KSR1: variants seen among roughly 807,000 people sequenced by gnomAD.
The protein encoded by KSR1 is kinase suppressor of ras 1, also known as kinase suppressor of ras.
Under a neutral mutation model 92.9 loss-of-function variants are expected in KSR1, and 35 were observed. That is an observed-to-expected ratio of 0.38 (90% CI 0.29 to 0.50). The LOEUF (loss-of-function observed/expected upper bound fraction) is 0.50, where lower values mean the gene tolerates loss of function less well. Among genes scored for constraint, KSR1 ranks in the 20% least tolerant of loss-of-function variants. The pLI is 0.94. For missense variants in KSR1, 972 were observed against 1,158.5 expected, an observed-to-expected ratio of 0.84 and a Z score of 2.34; for synonymous variants, 467 against 472.6, an observed-to-expected ratio of 0.99 and a Z score of 0.15.
At chr17:27,476,042 A>G (rs978502135) in intron 1 of KSR1, among the ~76,000 whole-genome samples, 5 of 152,208 alleles carry the variant, frequency 3.3e-5, no homozygotes, top group Admixed American at 1.3e-4. Flanking sequence ...TATTATTGCT[A>G]TAATTGCATT....
chr17:27,553,664 C>T (rs1240523932), intron 2 of KSR1, among the ~76,000 whole-genome samples: 1 of 152,234 alleles, frequency 6.6e-6, no homozygotes, highest in Non-Finnish European at 1.5e-5. Flanking sequence ...ATTCCATCTT[C>T]CCCAGACTCT....
At chr17:27,522,843 C>G (rs2070097602) in intron 1 of KSR1, among the ~76,000 whole-genome samples, 1 of 152,194 alleles carries the variant, frequency 6.6e-6, no homozygotes, top group South Asian at 2.1e-4. Context: ...GCAGGGTGGT[C>G]TGTCCTCAGG....
chr17:27,592,454 C>T (rs747120886), intron 8 of KSR1, 32 bp downstream of exon 8: 2 of 1,613,576 alleles, frequency 1.2e-6, no homozygotes, highest in Non-Finnish European at 8.5e-7. Flanking sequence ...CCTCTGCCTT[C>T]TGGATTTGGG....
intron 1 of KSR1, among the ~76,000 whole-genome samples, chr17:27,495,219 G>T (rs887034350): frequency 6.6e-6 from 1 of 152,182 alleles, no homozygotes; most frequent in African/African-American, 2.4e-5. Flanking sequence ...GGTTCTGGGG[G>T]TATATGCAGC....
At chr17:27,549,115 C>G (rs547281746) in intron 1 of KSR1, among the ~76,000 whole-genome samples, 23 of 152,210 alleles carry the variant, frequency 1.5e-4, no homozygotes, top group African/African-American at 5.3e-4. Context: ...AAATGCACAA[C>G]CTATATTTAC....
chr17:27,476,789 TG>T (rs77351643), intron 1 of KSR1, among the ~76,000 whole-genome samples: 35,482 of 152,046 alleles, frequency 0.23, 4,374 homozygotes, highest in Admixed American at 0.34. Flanking sequence ...CAGATAGCAC[TG>T]GGAATACTGT....
intron 1 of KSR1, among the ~76,000 whole-genome samples, chr17:27,460,894 G>T (rs187135147): frequency 6.6e-6 from 1 of 152,172 alleles, no homozygotes; most frequent in Non-Finnish European, 1.5e-5. Flanking sequence ...CCTAGCAAGG[G>T]CTCTGAAGTA....
chr17:27,562,923 G>A (rs1322817352), intron 2 of KSR1, among the ~76,000 whole-genome samples: 1 of 152,144 alleles, frequency 6.6e-6, no homozygotes, highest in African/African-American at 2.4e-5. Context: ...ACCTTGGACA[G>A]GTCCCTTGAC....
chr17:27,545,925 CAT>C (rs928249584), intron 1 of KSR1, among the ~76,000 whole-genome samples: 2 of 152,196 alleles, frequency 1.3e-5, no homozygotes, highest in Non-Finnish European at 2.9e-5. Flanking sequence ...GTGCAAATGG[CAT>C]ATGTTAGGAA....
At chr17:27,496,945 C>A (rs1340842398) in intron 1 of KSR1, among the ~76,000 whole-genome samples, 1 of 152,222 alleles carries the variant, frequency 6.6e-6, no homozygotes, top group Non-Finnish European at 1.5e-5. Flanking sequence ...TCATCAATTG[C>A]ACTCAGTTTT....
At chr17:27,546,050 G>A (rs998438818) in intron 1 of KSR1, among the ~76,000 whole-genome samples, 9 of 152,226 alleles carry the variant, frequency 5.9e-5, no homozygotes, top group Admixed American at 2.0e-4. Flanking sequence ...GAAAAGAGTG[G>A]TTTTGAGTTT....
intron 1 of KSR1, among the ~76,000 whole-genome samples, chr17:27,526,094 T>TTCTTTCTTTCTCTCTCTCTCTC (rs55706224): frequency 3.4e-5 from 4 of 118,402 alleles, no homozygotes; most frequent in African/African-American, 1.4e-4. Flanking sequence ...CTTTCTTTCT[T>TTCTTTCTTTCTCTCTCTCTCTC]TCTCTCTCTC....
intron 11 of KSR1, chr17:27,601,979 C>A: frequency 1.3e-6 from 2 of 1,568,218 alleles, no homozygotes; most frequent in South Asian, 2.3e-5. Context: ...ACATTGAGTC[C>A]CTTCTGCAAA....
At chr17:27,533,289 T>C (rs1326721150) in intron 1 of KSR1, among the ~76,000 whole-genome samples, 2 of 152,096 alleles carry the variant, frequency 1.3e-5, no homozygotes, top group South Asian at 4.1e-4. Context: ...AATTCAGTTG[T>C]CCCTTGGTAT....
intron 1 of KSR1, among the ~76,000 whole-genome samples, chr17:27,506,076 A>T (rs948722763): frequency 2.0e-5 from 3 of 152,236 alleles, no homozygotes; most frequent in Non-Finnish European, 4.4e-5. Flanking sequence ...GCCCCCACCT[A>T]ACCAAACTTT....
intron 1 of KSR1, among the ~76,000 whole-genome samples, chr17:27,471,165 C>T (rs1453881100): frequency 1.3e-5 from 2 of 152,172 alleles, no homozygotes; most frequent in East Asian, 1.9e-4. Context: ...GTGCCGGGCC[C>T]ACTCCAGTGA....
At position 27,605,644 on chromosome 17, in the gene KSR1, C is replaced by T. The variant is rs760574002; in HGVS notation, c.1825C>T (p.Arg609Cys). Reference protein sequence around the residue: ...QGRWGRVHRGRWHGEVAIRLL... With the variant: ...QGRWGRVHRGCWHGEVAIRLL... ...CCGCTGGGGCCGGGTGCACCGCGGC[C>T]GCTGGCATGGCGAGGTGGCCATTCG... Residue 609 changes from arginine (R) to cysteine (C), a missense_variant, in exon 14 of 21, where the codon CGC (arginine) becomes TGC (cysteine). Around this residue, in one of 5 missense-constraint regions of KSR1, gnomAD observed 260 missense variants for 375.2 expected, o/e 0.69. Coordinates refer to ENST00000644974, the MANE Select transcript of KSR1 (RefSeq NM_001394583.1). 3.1e-6 allele frequency: 5 copies of T among 1,611,494 alleles called. No individual in the cohort carries two copies. The highest frequency in any genetic ancestry group is 1.7e-6 in the Non-Finnish European group (2 of 1,179,408).
At position 27,527,459 on chromosome 17, in the gene KSR1, A is replaced by G. The variant is rs536422098; in HGVS notation, c.232-23109A>G. 5.6e-5 allele frequency among the ~76,000 whole-genome samples: 7 copies of G among 125,604 alleles called. No individual in the cohort carries two copies. In the South Asian group the frequency reaches 8.1e-4, roughly 15 times the overall value. 82.4% of individuals were successfully genotyped at this position (125,604 alleles called of 152,430 possible). A position where few individuals can be genotyped will look rare whatever the true frequency, so the allele number is the denominator to read the frequency against. On this transcript the variant is annotated intron_variant, in intron 1 of 20. Transcript: ENST00000644974. ...GCTCTGTCACCTAGGCTAGAGTGCA[A>G]TGGCGTGATCTTGGCTCACTGCAAC...
intron 2 of KSR1, among the ~76,000 whole-genome samples, chr17:27,572,078 T>G (rs1017896892): frequency 1.3e-5 from 2 of 152,206 alleles, no homozygotes; most frequent in African/African-American, 4.8e-5. Flanking sequence ...CTGGAGAGAA[T>G]GGAGACCAGC....
Sources: allele counts gnomAD v4.1 joint callset (sites outside exome capture counted in the v4.1 genomes callset), GRCh38; gene constraint gnomAD v4.1.1; regional missense constraint gnomAD v4.1.1; transcripts MANE v1.5; gene names NCBI Gene and HGNC (gene_info 2026-07-23, HGNC 2026-07-21).